The following CCDC150 variants were observed in gnomAD, a reference collection of about 807,000 sequenced individuals.
CCDC150 encodes coiled-coil domain containing 150, also known as coiled-coil domain-containing protein 150.
CCDC150 carries 151 observed loss-of-function variants against 156.5 expected under a neutral mutation model. The observed-to-expected ratio is 0.97, with a 90% CI of 0.85 to 1.10. The LOEUF (loss-of-function observed/expected upper bound fraction) is 1.10. Ranked by LOEUF, CCDC150 falls within the 50% of genes least tolerant of loss-of-function variation. CCDC150 has a pLI of 0.00. For synonymous variants in CCDC150, 452 were observed against 429.4 expected (o/e 1.05, Z -0.65); for missense variants, 1,312 against 1,268.1 (o/e 1.03, Z -0.53).
chr2:196,680,692 A>G (rs1694765337), intron 13 of CCDC150, among the ~76,000 whole-genome samples: 1 of 152,104 alleles, frequency 6.6e-6, no homozygotes, highest in Non-Finnish European at 1.5e-5. Flanking sequence ...TTCGTATACA[A>G]TTTTTTTGTG....
intron 19 of CCDC150, 84 bp downstream of exon 19, chr2:196,719,750 A>G: frequency 2.1e-6 from 2 of 950,616 alleles, no homozygotes; most frequent in Non-Finnish European, 2.8e-6. Flanking sequence ...AAGTCACTTT[A>G]TGTAGCTTCC....
At chr2:196,712,837 G>A in intron 17 of CCDC150, 98 bp downstream of exon 17, 2 of 922,418 alleles carry the variant, frequency 2.2e-6, no homozygotes, top group Admixed American at 5.0e-5. Context: ...AATAGAAAAA[G>A]TTAAGCAAGA....
Position 196,718,492 on chromosome 2 carries a change from T to C in CCDC150, c.1867-11T>C, listed in dbSNP as rs1479099863. 1 of 1,592,750 alleles carries C rather than the reference T, an allele frequency of 6.3e-7. No homozygotes were observed. Among genetic ancestry groups the C allele is most frequent in the South Asian group, 1.1e-5 (1 of 87,742 alleles). ...TGTAATGTTATTTATTGTTTCTTTTTTCCTACTTAGGTGAAATCTATTCTT... is the reference window on the plus strand; with the variant it reads ...TGTAATGTTATTTATTGTTTCTTTTCTCCTACTTAGGTGAAATCTATTCTT... On this transcript the variant is annotated splice_polypyrimidine_tract_variant and intron_variant, in intron 17 of 27. Coordinates refer to ENST00000389175, the MANE Select transcript of CCDC150 (RefSeq NM_001080539.2).
intron 2 of CCDC150, among the ~76,000 whole-genome samples, chr2:196,649,239 A>G (rs538859763): frequency 6.6e-6 from 1 of 152,328 alleles, no homozygotes; most frequent in South Asian, 2.1e-4. Context: ...AGACATTTTA[A>G]CAGTATTAAT....
intron 13 of CCDC150, among the ~76,000 whole-genome samples, chr2:196,680,805 T>C (rs1463799993): frequency 6.6e-6 from 1 of 152,186 alleles, no homozygotes; most frequent in African/African-American, 2.4e-5. Flanking sequence ...CAAACTCTTT[T>C]CCAAAGTGGC....
chr2:196,697,298 GGTT>G (rs1316444449), intron 14 of CCDC150, among the ~76,000 whole-genome samples: 1 of 150,954 alleles, frequency 6.6e-6, no homozygotes, highest in Non-Finnish European at 1.5e-5. Context: ...TAATTTCAGG[GGTT>G]TTTTTTGTTG....
At chr2:196,701,940 T>C (rs1696240797) in intron 15 of CCDC150, among the ~76,000 whole-genome samples, 1 of 152,148 alleles carries the variant, frequency 6.6e-6, no homozygotes. Context: ...TTTTATAAAA[T>C]GTTGGGGGAG....
At chr2:196,658,685 G>A (rs1465728270) in intron 4 of CCDC150, 107 bp from the exon 5 acceptor site, 6 of 687,474 alleles carry the variant, frequency 8.7e-6, no homozygotes, top group African/African-American at 1.9e-5. Context: ...ATTAAAAATA[G>A]CATTTATAGG....
chr2:196,720,148 A>G, intron 19 of CCDC150: 2 of 404,856 alleles, frequency 4.9e-6, no homozygotes, highest in Non-Finnish European at 1.0e-5. Context: ...AGAATGTTTC[A>G]AAAATTAAAT....
chr2:196,730,235 T>C, intron 25 of CCDC150, 117 bp downstream of exon 25: 2 of 844,738 alleles, frequency 2.4e-6, no homozygotes, highest in Non-Finnish European at 3.5e-6. Flanking sequence ...CATTTACAAA[T>C]TGTTTATCTT....
intron 7 of CCDC150, chr2:196,667,247 T>G (rs1259449018): frequency 4.4e-6 from 1 of 227,718 alleles, no homozygotes; most frequent in African/African-American, 2.3e-5. Context: ...TCATGTCAGA[T>G]TCTCCATTCT....
intron 15 of CCDC150, among the ~76,000 whole-genome samples, chr2:196,705,546 T>G (rs1696564347): frequency 6.6e-6 from 1 of 152,230 alleles, no homozygotes; most frequent in Admixed American, 6.5e-5. Flanking sequence ...GCAGAAGCTC[T>G]TTAGTTTAAT....
intron 25 of CCDC150, 108 bp downstream of exon 25, chr2:196,730,226 A>G (rs1490244613): frequency 1.1e-6 from 1 of 920,052 alleles, no homozygotes; most frequent in African/African-American, 1.7e-5. Context: ...GACAACACAC[A>G]TTTACAAATT....
chr2:196,719,461 G>A, intron 18 of CCDC150, 36 bp from the exon 19 acceptor site: 1 of 1,567,220 alleles, frequency 6.4e-7, no homozygotes, highest in South Asian at 1.2e-5. Context: ...AACCAGAAAG[G>A]ATCAAATGTC....
chr2:196,718,148 G>C (rs1278859434), intron 17 of CCDC150, among the ~76,000 whole-genome samples: 2 of 151,830 alleles, frequency 1.3e-5, no homozygotes, highest in African/African-American at 4.8e-5. Flanking sequence ...ACACTATTTA[G>C]TATTTATACA....
At chr2:196,640,045 T>C (rs1692119824) in intron 1 of CCDC150, among the ~76,000 whole-genome samples, 2 of 152,150 alleles carry the variant, frequency 1.3e-5, no homozygotes, top group South Asian at 4.2e-4. Context: ...AATACCACCT[T>C]TATTTATGTG....
rs762837893 is a variant in CCDC150 at position 196,718,594 on chromosome 2, A to C, written c.1958A>C (p.Glu653Ala). The C allele has an allele frequency of 2.5e-6, 4 of 1,613,862 alleles. No individual in the cohort carries two copies. The highest frequency in any genetic ancestry group is 3.4e-6 in the Non-Finnish European group (4 of 1,179,788). The change falls in exon 18 of 28, where the codon GAA becomes GCA. Residue 653 changes from glutamate (E) to alanine (A), a missense_variant. Physicochemically the swap from Glu to Ala is moderately radical, Grantham distance 107 (BLOSUM62 -1). Transcript: ENST00000389175. Reference protein sequence around the residue: ...AALKESQKLKEDLEAVEDREN... With the variant: ...AALKESQKLKADLEAVEDREN... ...CTGAAAGAGAGTCAGAAGTTGAAAG[A>C]AGACCTCGAGGCTGTGGAGGACAGG... is the stretch of plus-strand genomic sequence containing the variant.
At chr2:196,680,581 A>G (rs1385317737) in intron 13 of CCDC150, among the ~76,000 whole-genome samples, 1 of 152,212 alleles carries the variant, frequency 6.6e-6, no homozygotes, top group Admixed American at 6.5e-5. Context: ...CTGGGATTAC[A>G]GGCGTGAGCC....
chr2:196,678,987 G>A (rs1372382120), intron 13 of CCDC150, among the ~76,000 whole-genome samples: 2 of 152,166 alleles, frequency 1.3e-5, no homozygotes, highest in South Asian at 2.1e-4. Flanking sequence ...TTGCTTGTCT[G>A]ATTTCATTCG....
Sources: gnomAD v4.1 joint callset for allele counts (sites outside exome capture counted in the v4.1 genomes callset) on GRCh38, gnomAD v4.1.1 for gene constraint, MANE v1.5 for transcripts, NCBI Gene and HGNC (gene_info 2026-07-23, HGNC 2026-07-21) for gene names.